FRMPD1: variants seen among roughly 807,000 people sequenced by gnomAD.
FRMPD1 encodes FERM and PDZ domain containing 1.
In FRMPD1, 76 loss-of-function variants were observed where a neutral mutation model predicts 117.8. The ratio of observed to expected loss-of-function variants is 0.65; its 90% CI spans 0.54 to 0.78. The LOEUF (loss-of-function observed/expected upper bound fraction) is 0.78, where lower values mean the gene tolerates loss of function less well. Among genes scored for constraint, FRMPD1 ranks in the 30% least tolerant of loss-of-function variants. FRMPD1 has a pLI of 0.00. For missense variants in FRMPD1, 1,786 were observed against 1,964.5 expected (o/e 0.91, Z 1.72); for synonymous variants, 783 against 770.4 (o/e 1.02, Z -0.27).
chr9:37,706,793 G>C (rs1822720302), intron 2 of FRMPD1, among the ~76,000 whole-genome samples: 1 of 152,142 alleles, frequency 6.6e-6, no homozygotes, highest in African/African-American at 2.4e-5. Flanking sequence ...ACAAAATCTT[G>C]CTATAAAATT....
intron 2 of FRMPD1, among the ~76,000 whole-genome samples, chr9:37,693,757 T>C (rs774338287): frequency 1.7e-4 from 26 of 152,210 alleles, no homozygotes; most frequent in Non-Finnish European, 3.2e-4. Context: ...GGAACACTTA[T>C]TATTCTACTA....
intron 1 of FRMPD1, among the ~76,000 whole-genome samples, chr9:37,674,179 T>C (rs7035010): frequency 0.17 from 25,861 of 152,142 alleles, 3,127 homozygotes; most frequent in East Asian, 0.47. Context: ...TTGAATGCTT[T>C]GCTGCTTAAA....
At chr9:37,679,767 G>A (rs1267136398) in intron 1 of FRMPD1, among the ~76,000 whole-genome samples, 2 of 152,252 alleles carry the variant, frequency 1.3e-5, no homozygotes, top group Non-Finnish European at 2.9e-5. Flanking sequence ...AGCAGAGCAG[G>A]AACCTGATTG....
Position 37,724,291 on chromosome 9 carries a change from T to C in FRMPD1, c.583T>C (p.Phe195Leu). ...LYLENGQTKA[F>L]KFEANTTVKD... ...CTTGGAGAATGGACAGACCAAAGCT[T>C]TCAAGTTTGAGGCAAACACAACCGT... is the stretch of plus-strand genomic sequence containing the variant. The change falls in exon 7 of 16, where the codon TTC (phenylalanine) becomes CTC (leucine). Residue 195 changes from phenylalanine to leucine, a missense_variant. By Grantham distance (22) the Phe-to-Leu change is conservative (BLOSUM62 0). Transcript: ENST00000377765. 6.3e-7 allele frequency: 1 copy of C among 1,599,416 alleles called. No homozygotes were observed. The highest frequency in any genetic ancestry group is 8.6e-7 in the Non-Finnish European group (1 of 1,166,676).
chr9:37,608,428 T>C, the FRMPD1 span, among the ~76,000 whole-genome samples: 9 of 151,722 alleles, frequency 5.9e-5, no homozygotes, highest in Non-Finnish European at 1.2e-4. Context: ...CTTTCCTTCC[T>C]TTACATCCTT....
chr9:37,652,187 G>A (rs1026624362), intron 1 of FRMPD1, among the ~76,000 whole-genome samples: 2 of 152,158 alleles, frequency 1.3e-5, no homozygotes, highest in African/African-American at 4.8e-5. Flanking sequence ...CACTGTTCTA[G>A]GGGTCCTGAC....
chr9:37,700,274 C>T (rs1822485780), intron 2 of FRMPD1, among the ~76,000 whole-genome samples: 1 of 152,144 alleles, frequency 6.6e-6, no homozygotes, highest in Non-Finnish European at 1.5e-5. Flanking sequence ...GCACTACCCT[C>T]ACAATCTCCA....
Position 37,740,967 on chromosome 9 carries a change from A to G in FRMPD1, c.2356+83A>G, listed in dbSNP as rs1824382686. On this transcript the variant is annotated intron_variant, in intron 15 of 15. Transcript: ENST00000377765. The surrounding 1 kb of genome is among the most constrained non-coding windows in gnomAD (Gnocchi z 4.2). ...GGATCAAGGCCTGGGGCCAAGCTTG[A>G]GAGGAAGGCACATGAGTGAAACAGG... 3 of 1,028,188 alleles carry G rather than the reference A, an allele frequency of 2.9e-6. No homozygotes were observed. Among genetic ancestry groups the G allele is most frequent in the Non-Finnish European group, 4.6e-6 (3 of 657,664 alleles). The allele number at this position is 1,028,188 out of a possible 1,614,324, so 63.7% of individuals were successfully genotyped here. A position where few individuals can be genotyped will look rare whatever the true frequency, so the allele number is the denominator to read the frequency against.
the FRMPD1 span, among the ~76,000 whole-genome samples, chr9:37,612,853 A>G: frequency 6.6e-6 from 1 of 152,162 alleles, no homozygotes; most frequent in Non-Finnish European, 1.5e-5. Context: ...TTAAGTGACT[A>G]CGAGAACCTG....
At chr9:37,739,342 G>A (rs574442549) in intron 14 of FRMPD1, among the ~76,000 whole-genome samples, 1 of 152,278 alleles carries the variant, frequency 6.6e-6, no homozygotes, top group Admixed American at 6.5e-5. Context: ...CCGTAAGCAG[G>A]GCAGCCATCA....
chr9:37,614,297 G>C, the FRMPD1 span, among the ~76,000 whole-genome samples: 1 of 152,332 alleles, frequency 6.6e-6, no homozygotes, highest in Admixed American at 6.5e-5. Context: ...AAGATACCAA[G>C]TCTGGAATGC....
At chr9:37,719,528 G>T (rs1823302153) in intron 6 of FRMPD1, among the ~76,000 whole-genome samples, 1 of 152,154 alleles carries the variant, frequency 6.6e-6, no homozygotes, top group Non-Finnish European at 1.5e-5. Context: ...ATTGATAATG[G>T]TGCCGGTGGT....
rs1262861868 is a variant in FRMPD1, at chr9:37,745,046, C to T, written c.3014C>T (p.Thr1005Ile). The T allele has an allele frequency of 1.2e-6, 2 of 1,614,176 alleles. No individual in the cohort carries two copies. Among genetic ancestry groups the T allele is most frequent in the South Asian group, 2.2e-5 (2 of 91,090 alleles). The change falls in exon 16 of 16, where the codon ACC becomes ATC. Residue 1005 changes from threonine to isoleucine, a missense_variant. Thr to Ile is a moderately conservative substitution (Grantham distance 89, BLOSUM62 -1). Coordinates refer to ENST00000377765, the MANE Select transcript of FRMPD1 (RefSeq NM_014907.3). ...DLDGIAPKEP[T>I]IEHGDSSFSL... ...GATGGGATTGCCCCCAAAGAACCAA[C>T]CATAGAGCATGGAGACAGCTCCTTC...
intron 7 of FRMPD1, among the ~76,000 whole-genome samples, chr9:37,727,707 TG>T (rs35941716): frequency 0.21 from 30,904 of 148,766 alleles, 3,654 homozygotes; most frequent in East Asian, 0.3. Flanking sequence ...TGGGTAGTTA[TG>T]GGGGGTGATG....
upstream of FRMPD1, among the ~76,000 whole-genome samples, chr9:37,650,068 C>T (rs1820618123): frequency 6.6e-6 from 1 of 152,172 alleles, no homozygotes; most frequent in African/African-American, 2.4e-5. Flanking sequence ...AGGAACTGGA[C>T]TGTATTTTAA....
chr9:37,698,386 C>T (rs1588937849), intron 2 of FRMPD1, among the ~76,000 whole-genome samples: 1 of 151,892 alleles, frequency 6.6e-6, no homozygotes, highest in South Asian at 2.1e-4. Flanking sequence ...TTGATTCATT[C>T]TTTACTGACC....
the FRMPD1 span, among the ~76,000 whole-genome samples, chr9:37,632,061 T>A: frequency 6.6e-6 from 1 of 152,344 alleles, no homozygotes; most frequent in African/African-American, 2.4e-5. Flanking sequence ...TGTTTTTATA[T>A]ACATAGATGG....
the FRMPD1 span, among the ~76,000 whole-genome samples, chr9:37,634,311 A>T: frequency 7.2e-5 from 11 of 152,170 alleles, no homozygotes; most frequent in African/African-American, 2.4e-5. Context: ...CAAGAAGTAC[A>T]TATCTTATAC....
At chr9:37,732,803 A>G (rs1295113599) in intron 10 of FRMPD1, among the ~76,000 whole-genome samples, 1 of 152,186 alleles carries the variant, frequency 6.6e-6, no homozygotes, top group Non-Finnish European at 1.5e-5. Flanking sequence ...CTATTGCATT[A>G]TGTCTCCACT....
Sources: allele counts gnomAD v4.1 joint callset (sites outside exome capture counted in the v4.1 genomes callset), GRCh38; gene constraint gnomAD v4.1.1; non-coding constraint Gnocchi (gnomAD v3.1); transcripts MANE v1.5; gene names NCBI Gene and HGNC (gene_info 2026-07-23, HGNC 2026-07-21).